BLK: variants seen among roughly 807,000 people sequenced by gnomAD.
The protein encoded by BLK is tyrosine-protein kinase Blk.
BLK carries 64 observed loss-of-function variants against 61.8 expected under a neutral mutation model. The ratio of observed to expected loss-of-function variants is 1.03; its 90% CI spans 0.85 to 1.27. The LOEUF (loss-of-function observed/expected upper bound fraction) is 1.27. BLK is among the 50% of genes most tolerant of loss of function. The pLI is 0.00. For synonymous variants in BLK, 351 were observed against 272.0 expected (o/e 1.29, Z -2.86); for missense variants, 853 against 660.5 (o/e 1.29, Z -3.19).
intron 1 of BLK, among the ~76,000 whole-genome samples, chr8:11,513,022 G>T (rs1036164887): frequency 2.1e-4 from 32 of 152,204 alleles, no homozygotes; most frequent in African/African-American, 7.2e-4. Flanking sequence ...CTTTCTAAAA[G>T]AATTATTTAT....
chr8:11,529,967 G>T (rs985099433), intron 1 of BLK, among the ~76,000 whole-genome samples: 2 of 152,168 alleles, frequency 1.3e-5, no homozygotes, highest in Non-Finnish European at 2.9e-5. Flanking sequence ...CAAGAACAAT[G>T]GATGAGGCTG....
At chr8:11,506,332 C>T (rs1348061019) in intron 1 of BLK, among the ~76,000 whole-genome samples, 1 of 152,174 alleles carries the variant, frequency 6.6e-6, no homozygotes, top group Non-Finnish European at 1.5e-5. Context: ...ATGTAGTTGG[C>T]TCATTTATCA....
At chr8:11,519,423 T>C (rs753262527) in intron 1 of BLK, among the ~76,000 whole-genome samples, 3 of 152,190 alleles carry the variant, frequency 2.0e-5, no homozygotes, top group Admixed American at 6.5e-5. Flanking sequence ...ATGTAGGCAA[T>C]AATTCATACA....
intron 1 of BLK, among the ~76,000 whole-genome samples, chr8:11,500,212 G>C (rs1798505218): frequency 6.6e-6 from 1 of 152,076 alleles, no homozygotes; most frequent in African/African-American, 2.4e-5. Context: ...GTTGTTGTTT[G>C]AGACAAGGTC....
At chr8:11,544,957 C>T (rs769157630) in intron 2 of BLK, among the ~76,000 whole-genome samples, 8 of 152,152 alleles carry the variant, frequency 5.3e-5, no homozygotes, top group Non-Finnish European at 1.0e-4. Context: ...CTGTTTGTAC[C>T]CTTCACCCCA....
At chr8:11,541,905 G>A (rs1800395692) in intron 1 of BLK, among the ~76,000 whole-genome samples, 1 of 152,118 alleles carries the variant, frequency 6.6e-6, no homozygotes, top group Non-Finnish European at 1.5e-5. Context: ...GCTGATCTGA[G>A]CTCACATAAA....
intron 7 of BLK, 129 bp from the exon 8 acceptor site, chr8:11,555,203 G>A (rs1159965829): frequency 5.0e-5 from 62 of 1,243,376 alleles, no homozygotes; most frequent in East Asian, 7.0e-5. Context: ...ATGTGCAGGC[G>A]TGTGCACACA....
chr8:11,535,301 A>AAAGAAAGAAAGAAAGAAAAG (rs1563102517), intron 1 of BLK, among the ~76,000 whole-genome samples: 11 of 146,052 alleles, frequency 7.5e-5, no homozygotes, highest in African/African-American at 2.7e-4. Flanking sequence ...AGAAAGAAAG[A>AAAGAAAGAAAGAAAGAAAAG]AAGAAAGAAA....
At position 11,558,176 on chromosome 8, in the gene BLK, G is replaced by A. The variant is rs538437831; in HGVS notation, c.1029+138G>A. 208 of 827,272 alleles carry A rather than the reference G, an allele frequency of 2.5e-4. 3 individuals are homozygous for A. The highest frequency in any genetic ancestry group is 2.3e-3 in the South Asian group (162 of 69,674). 51.2% of individuals were successfully genotyped at this position (827,272 alleles called of 1,614,324 possible). On this transcript the variant is annotated intron_variant, in intron 10 of 12. Coordinates refer to ENST00000259089, the MANE Select transcript of BLK (RefSeq NM_001715.3). The stretch of plus-strand genomic sequence containing the variant: ...ACTGAAGGCCACCTTCCTCTAGGCA[G>A]ATATCCCCAAGGTCACCCACTGCAC...
intron 1 of BLK, among the ~76,000 whole-genome samples, chr8:11,524,471 T>C (rs1439903919): frequency 6.6e-6 from 1 of 152,186 alleles, no homozygotes; most frequent in Non-Finnish European, 1.5e-5. Context: ...TCAGAAAGGA[T>C]GAAAAGAATA....
intron 1 of BLK, among the ~76,000 whole-genome samples, chr8:11,513,566 G>A (rs933705995): frequency 6.6e-6 from 1 of 152,178 alleles, no homozygotes; most frequent in Non-Finnish European, 1.5e-5. Flanking sequence ...GTTAGGGCTG[G>A]AGGCAACTCA....
At chr8:11,526,803 T>C (rs955003754) in intron 1 of BLK, among the ~76,000 whole-genome samples, 2 of 152,146 alleles carry the variant, frequency 1.3e-5, no homozygotes. Context: ...CTCAAAACTT[T>C]TTCAGTTGAA....
intron 1 of BLK, among the ~76,000 whole-genome samples, chr8:11,508,700 G>A (rs1798876032): frequency 6.6e-6 from 1 of 152,248 alleles, no homozygotes; most frequent in Non-Finnish European, 1.5e-5. Context: ...CAGACACTGT[G>A]CTGGGCCTCG....
Position 11,548,033 on chromosome 8 carries a change from C to G in BLK, c.177C>G (p.Asp59Glu), listed in dbSNP as rs146083915. ...PPPPDEHLDEDKHFVVALYDY... is the reference protein window; with the variant it reads ...PPPPDEHLDEEKHFVVALYDY... The stretch of plus-strand genomic sequence containing the variant: ...TCATCTCTCCCTTGTTCATTTTAGA[C>G]AAGCATTTCGTGGTGGCTCTGTATG... The change falls in exon 4 of 13, where the codon GAC becomes GAG. Residue 59 changes from aspartate to glutamate, a missense_variant and splice_region_variant. Transcript: ENST00000259089. 2,552 of 1,613,942 alleles carry G rather than the reference C, an allele frequency of 1.6e-3. 29 individuals carry two copies. The African/African-American group carries it at 0.028, about 18-fold the overall frequency.
At chr8:11,536,192 A>C (rs545954692) in intron 1 of BLK, among the ~76,000 whole-genome samples, 1 of 152,356 alleles carries the variant, frequency 6.6e-6, no homozygotes, top group South Asian at 2.1e-4. Flanking sequence ...AAATGTCTCC[A>C]TGCTTTAGAA....
At chr8:11,546,968 A>T (rs1048535988) in intron 3 of BLK, among the ~76,000 whole-genome samples, 2 of 152,014 alleles carry the variant, frequency 1.3e-5, no homozygotes, top group African/African-American at 4.8e-5. Flanking sequence ...ACCCCTGGGG[A>T]CTCCCAAGAG....
Position 11,563,902 on chromosome 8 carries a change from G to A in BLK, c.1313-1G>A, listed in dbSNP as rs1195594012. 26 of 1,608,616 alleles carry A rather than the reference G, an allele frequency of 1.6e-5. No individual in the cohort carries two copies. The highest frequency in any genetic ancestry group is 2.0e-5 in the Non-Finnish European group (24 of 1,179,308). On this transcript the variant is annotated splice_acceptor_variant, in intron 12 of 12. Transcript: ENST00000259089. LOFTEE classifies it high-confidence loss of function. The stretch of plus-strand genomic sequence containing the variant: ...CCCGCTTGCGGTCTCCTCTGCCGCA[G>A]GGATGAGCAACCCCGAGGTCATCCG...
intron 1 of BLK, among the ~76,000 whole-genome samples, chr8:11,531,756 C>A (rs146745232): frequency 3.3e-5 from 5 of 152,298 alleles, no homozygotes; most frequent in Non-Finnish European, 5.9e-5. Context: ...CCTTTTTCTC[C>A]CTGTGCTTCA....
intron 1 of BLK, among the ~76,000 whole-genome samples, chr8:11,521,176 T>A (rs899574063): frequency 2.0e-5 from 3 of 152,234 alleles, no homozygotes; most frequent in Admixed American, 6.5e-5. Context: ...GAAAAATGGC[T>A]TTTAAAAAAT....
Sources: allele counts gnomAD v4.1 joint callset (sites outside exome capture counted in the v4.1 genomes callset), GRCh38; gene constraint gnomAD v4.1.1; transcripts MANE v1.5; gene names NCBI Gene and HGNC (gene_info 2026-07-23, HGNC 2026-07-21).